Variants in ZNF565 observed in about 807,000 individuals in gnomAD.
ZNF565 encodes the protein zinc finger protein 565.
ZNF565 carries 27 observed loss-of-function variants against 39.4 expected under a neutral mutation model. That is an observed-to-expected ratio of 0.69 (90% CI 0.51 to 0.95). The LOEUF (loss-of-function observed/expected upper bound fraction) is 0.95. Among genes scored for constraint, ZNF565 ranks in the 40% least tolerant of loss-of-function variants. ZNF565 has a pLI of 0.00. For synonymous variants in ZNF565, 185 were observed against 216.6 expected (o/e 0.85, Z 1.28); for missense variants, 524 against 621.1 (o/e 0.84, Z 1.66).
chr19:36,223,502 A>G (rs531740579), intron 1 of ZNF565, among the ~76,000 whole-genome samples: 1 of 152,010 alleles, frequency 6.6e-6, no homozygotes, highest in African/African-American at 2.4e-5. Flanking sequence ...AGCTGGGACT[A>G]CAGGCGCATG....
At chr19:36,192,271 C>A (rs957853684) in intron 4 of ZNF565, among the ~76,000 whole-genome samples, 1 of 151,920 alleles carries the variant, frequency 6.6e-6, no homozygotes, top group Admixed American at 6.6e-5. Flanking sequence ...ACCTATCTTA[C>A]CAAGTGATCA....
chr19:36,206,015 G>A (rs1461466109), intron 1 of ZNF565, among the ~76,000 whole-genome samples: 1 of 150,944 alleles, frequency 6.6e-6, no homozygotes, highest in Admixed American at 6.6e-5. Context: ...AGGCTGGAGT[G>A]CACTGACGAG....
At chr19:36,216,751 A>G (rs190725764), upstream of ZNF565, among the ~76,000 whole-genome samples, 91 of 152,326 alleles carry the variant, frequency 6.0e-4, no homozygotes, top group Admixed American at 9.2e-4. Context: ...GGAAAGAGAC[A>G]AGCTGCAAGA....
chr19:36,192,772 G>A (rs893564116), intron 4 of ZNF565, among the ~76,000 whole-genome samples: 5 of 151,344 alleles, frequency 3.3e-5, no homozygotes, highest in African/African-American at 1.2e-4. Context: ...AAAGTGCTGA[G>A]ATTACAGGCA....
intron 1 of ZNF565, among the ~76,000 whole-genome samples, chr19:36,235,119 G>T (rs995789372): frequency 1.3e-5 from 2 of 151,432 alleles, no homozygotes; most frequent in African/African-American, 4.9e-5. Context: ...TGAGGCTAGA[G>T]AATTGCTTGA....
intron 4 of ZNF565, among the ~76,000 whole-genome samples, chr19:36,192,737 A>G (rs1250579270): frequency 1.3e-5 from 2 of 151,408 alleles, no homozygotes; most frequent in African/African-American, 4.8e-5. Context: ...CCTGGCTTCA[A>G]GTGATCTTCC....
chr19:36,226,180 C>G (rs532104965), intron 1 of ZNF565, among the ~76,000 whole-genome samples: 37 of 152,312 alleles, frequency 2.4e-4, no homozygotes, highest in African/African-American at 8.7e-4. Flanking sequence ...TATCCAACTG[C>G]CTAATCGATC....
In ZNF565 at chr19:36,182,416, A is replaced by T; in HGVS notation, c.*50T>A. ...TAAAAATTACCTAGTACTGAGCCAG[A>T]TGTGAACTCCACATAAAGGCTTATC... On this transcript the variant is annotated 3_prime_UTR_variant, in exon 5 of 5. Transcript: ENST00000304116. 1 of 1,491,330 alleles carries T rather than the reference A, an allele frequency of 6.7e-7. No individual in the cohort carries two copies. Among genetic ancestry groups the T allele is most frequent in the South Asian group, 1.4e-5 (1 of 72,430 alleles). 92.4% of individuals were successfully genotyped at this position (1,491,330 alleles called of 1,614,324 possible).
At chr19:36,206,117 A>G (rs1310244333) in intron 1 of ZNF565, among the ~76,000 whole-genome samples, 2 of 151,938 alleles carry the variant, frequency 1.3e-5, no homozygotes, top group African/African-American at 2.4e-5. Context: ...GTGCACCATC[A>G]TGCTCTGCTA....
chr19:36,238,342 G>A (rs1327243225), intron 1 of ZNF565: 1 of 167,084 alleles, frequency 6.0e-6, no homozygotes, highest in African/African-American at 2.4e-5. Flanking sequence ...CGGATTGGAA[G>A]GATACAGACC....
chr19:36,225,285 C>T (rs1342322762), intron 1 of ZNF565, among the ~76,000 whole-genome samples: 2 of 152,124 alleles, frequency 1.3e-5, no homozygotes. Context: ...CTCAAAATTT[C>T]GTTATTGCAT....
At chr19:36,221,773 G>GGTTTTTT (rs1297542317) in intron 1 of ZNF565, among the ~76,000 whole-genome samples, 1 of 151,056 alleles carries the variant, frequency 6.6e-6, no homozygotes, top group South Asian at 2.1e-4. Flanking sequence ...CCTTCAAGTG[G>GGTTTTTT]GTTTTTTGTT....
intron 4 of ZNF565, among the ~76,000 whole-genome samples, chr19:36,192,471 T>C (rs1442828107): frequency 1.3e-5 from 2 of 152,056 alleles, no homozygotes; most frequent in African/African-American, 4.8e-5. Context: ...CTGGGTGCAG[T>C]GGCTCATGCC....
chr19:36,195,009 C>T (rs889557861), intron 3 of ZNF565, 21 bp downstream of exon 3: 17 of 1,613,942 alleles, frequency 1.1e-5, no homozygotes, highest in Admixed American at 1.7e-5. Context: ...CCGTCTGGCC[C>T]GTGTGATACA....
At position 36,183,362 on chromosome 19, in the gene ZNF565, TC is replaced by T; in HGVS notation, c.603del (p.Lys202ArgfsTer65). ...AGGTGTGAGGCACGGCTGAAGGCCT[TC>T]CCACATTCCTTACATCCAAAGGGTT... ...GEKPFGCKEC[G>X]KAFSRASHLV... On this transcript the variant is annotated frameshift_variant, in exon 5 of 5. Coordinates refer to ENST00000304116, the MANE Select transcript of ZNF565 (RefSeq NM_152477.5). LOFTEE classifies it high-confidence loss of function. 1 of 1,614,124 alleles carries T rather than the reference TC, an allele frequency of 6.2e-7. No homozygotes were observed. Among genetic ancestry groups the T allele is most frequent in the Non-Finnish European group, 8.5e-7 (1 of 1,179,962 alleles).
chr19:36,234,376 C>T (rs750783795), intron 1 of ZNF565, among the ~76,000 whole-genome samples: 1 of 152,078 alleles, frequency 6.6e-6, no homozygotes, highest in Non-Finnish European at 1.5e-5. Flanking sequence ...AAAAAGGGAG[C>T]TCTCCCATAT....
chr19:36,211,742 G>A (rs1289159948), intron 1 of ZNF565, among the ~76,000 whole-genome samples: 4 of 151,494 alleles, frequency 2.6e-5, no homozygotes, highest in Admixed American at 1.3e-4. Flanking sequence ...GCAGTGAGCC[G>A]AGCTCGCGCC....
intron 1 of ZNF565, among the ~76,000 whole-genome samples, chr19:36,240,515 A>G (rs2145478708): frequency 6.6e-6 from 1 of 152,238 alleles, no homozygotes; most frequent in East Asian, 1.9e-4. Context: ...GTCCCACCCA[A>G]AACTCAATGT....
chr19:36,188,153 G>C (rs892728183), intron 4 of ZNF565, among the ~76,000 whole-genome samples: 6 of 150,434 alleles, frequency 4.0e-5, no homozygotes, highest in African/African-American at 1.5e-4. Flanking sequence ...TCAGGAGTTC[G>C]AGCCCAGCCT....
Sources: gnomAD v4.1 joint callset for allele counts (sites outside exome capture counted in the v4.1 genomes callset) on GRCh38, gnomAD v4.1.1 for gene constraint, MANE v1.5 for transcripts, NCBI Gene and HGNC (gene_info 2026-07-23, HGNC 2026-07-21) for gene names.